MALRD1: variants seen among roughly 807,000 people sequenced by gnomAD.
MALRD1 encodes MAM and LDL-receptor class A domain-containing protein 1.
A neutral mutation model predicts 242.1 loss-of-function variants in MALRD1; 247 were observed. The ratio of observed to expected loss-of-function variants is 1.02; its 90% CI spans 0.92 to 1.13. MALRD1 has a LOEUF of 1.13. MALRD1 is among the 50% of genes most tolerant of loss of function. MALRD1 has a pLI of 0.00. For missense variants in MALRD1, 2,989 were observed against 2,533.1 expected (o/e 1.18, Z -3.86); for synonymous variants, 995 against 866.6 (o/e 1.15, Z -2.60).
intron 36 of MALRD1, among the ~76,000 whole-genome samples, chr10:19,669,831 G>A (rs2131755923): frequency 6.6e-6 from 1 of 152,244 alleles, no homozygotes; most frequent in Non-Finnish European, 1.5e-5. Context: ...CTTGGAGGCA[G>A]TGAGTGAATA....
At position 19,719,244 on chromosome 10, in the gene MALRD1, A is replaced by ATATGTG. The variant is rs1278887724; in HGVS notation, c.6315-11459_6315-11458insGTGTAT. Reference sequence around the variant, plus strand: ...CATACATATATATATATATATATATATATATATATATATATGCTATCAAAT... The same window carrying ATATGTG: ...CATACATATATATATATATATATATATATGTGTATATATATATATATGCTATCAAAT... On this transcript the variant is annotated intron_variant, in intron 38 of 39. Transcript: ENST00000454679. Among the ~76,000 whole-genome samples the ATATGTG allele has an allele frequency of 1.5e-3, 141 of 96,882 alleles. 1 individual carries two copies. Among genetic ancestry groups the ATATGTG allele is most frequent in the Non-Finnish European group, 2.3e-3 (117 of 51,718 alleles). 63.6% of individuals were successfully genotyped at this position (96,882 alleles called of 152,430 possible). A position where few individuals can be genotyped will look rare whatever the true frequency, so the allele number is the denominator to read the frequency against.
chr10:19,421,916 G>T (rs1833732244), intron 28 of MALRD1, among the ~76,000 whole-genome samples: 1 of 152,194 alleles, frequency 6.6e-6, no homozygotes, highest in Non-Finnish European at 1.5e-5. Context: ...GTGCCAAGAA[G>T]GATGGAAGGA....
In MALRD1 at chr10:19,491,988, G is replaced by GTTT. The variant is rs909952394; in HGVS notation, c.5158+352_5158+354dup. On this transcript the variant is annotated intron_variant, in intron 30 of 39. Transcript: ENST00000454679. The stretch of plus-strand genomic sequence containing the variant: ...AGCAATCTGCCTTTCTTTATTGGTT[G>GTTT]TTTTTTTTTTTCTATTTTTTTTTCC... Among the ~76,000 whole-genome samples the GTTT allele has an allele frequency of 2.8e-5, 4 of 141,792 alleles. No homozygotes were observed. In the South Asian group the frequency reaches 9.0e-4, roughly 32 times the overall value. The allele number at this position is 141,792 out of a possible 152,430, so 93.0% of individuals were successfully genotyped here. A position where few individuals can be genotyped will look rare whatever the true frequency, so the allele number is the denominator to read the frequency against.
chr10:19,155,477 T>C (rs1327220761), intron 12 of MALRD1, among the ~76,000 whole-genome samples: 3 of 152,160 alleles, frequency 2.0e-5, no homozygotes, highest in Non-Finnish European at 4.4e-5. Flanking sequence ...ACAGTGTACA[T>C]TGAGAAAAAT....
At chr10:19,729,689 G>A (rs1395062795) in intron 38 of MALRD1, among the ~76,000 whole-genome samples, 1 of 145,092 alleles carries the variant, frequency 6.9e-6, no homozygotes, top group Non-Finnish European at 1.5e-5. Context: ...AAGTAGTCCA[G>A]GGCTGCGTGT....
intron 35 of MALRD1, among the ~76,000 whole-genome samples, chr10:19,615,516 C>CAAAAAAAAAAAAAAAAAAAAAAAAAA (rs530920512): frequency 2.7e-5 from 1 of 37,242 alleles, no homozygotes; most frequent in Non-Finnish European, 4.4e-5. Context: ...GACCCTGCCT[C>CAAAAAAAAAAAAAAAAAAAAAAAAAA]AAAAAAAAAA....
In MALRD1 at chr10:19,595,281, G is replaced by A; in HGVS notation, c.5768G>A (p.Cys1923Tyr). 3.2e-6 allele frequency: 5 copies of A among 1,550,772 alleles called. No individual in the cohort carries two copies. The highest frequency in any genetic ancestry group is 3.5e-6 in the Non-Finnish European group (4 of 1,146,996). The stretch of plus-strand genomic sequence containing the variant: ...CAATGTGTCCCTCTCTCAGGGAAAT[G>A]TGATGGACATGAAGACTGCATAGAT... ...TLQCVPLSGK[C>Y]DGHEDCIDGS... Residue 1923 changes from cysteine (C) to tyrosine (Y), a missense_variant, in exon 34 of 40, where the codon TGT becomes TAT. By Grantham distance (194) the Cys-to-Tyr change is radical (BLOSUM62 -2). Transcript: ENST00000454679.
At chr10:19,480,293 T>C (rs575540945) in intron 29 of MALRD1, among the ~76,000 whole-genome samples, 2 of 152,310 alleles carry the variant, frequency 1.3e-5, no homozygotes, top group African/African-American at 4.8e-5. Context: ...AGTGTTTAGA[T>C]CTCAGCAAAA....
intron 18 of MALRD1, among the ~76,000 whole-genome samples, chr10:19,231,419 A>G (rs1838061840): frequency 6.6e-6 from 1 of 152,150 alleles, no homozygotes; most frequent in Non-Finnish European, 1.5e-5. Flanking sequence ...TAGGTTCTGG[A>G]CATAACCCTC....
rs1350600329 is a variant in MALRD1 at position 19,091,786 on chromosome 10, G to T, written c.597+3601G>T. Reference sequence around the variant, plus strand: ...ATGTGTCCCAGAGATTCTGGTATGTGGTGTCTTTGTTCTCGTTGGTTTCAA... The same window carrying T: ...ATGTGTCCCAGAGATTCTGGTATGTTGTGTCTTTGTTCTCGTTGGTTTCAA... On this transcript the variant is annotated intron_variant, in intron 4 of 39. Transcript: ENST00000454679. Among the ~76,000 whole-genome samples the T allele has an allele frequency of 7.8e-5, 7 of 89,582 alleles. 3 individuals carry two copies. The highest frequency in any genetic ancestry group is 1.5e-4 in the Non-Finnish European group (7 of 46,452). The allele number at this position is 89,582 out of a possible 152,430, so 58.8% of individuals were successfully genotyped here.
chr10:19,448,488 G>T (rs1174161005), intron 28 of MALRD1, among the ~76,000 whole-genome samples: 1 of 151,154 alleles, frequency 6.6e-6, no homozygotes, highest in Non-Finnish European at 1.5e-5. Context: ...AAATCATCTA[G>T]TTCCCAGAAA....
chr10:19,105,868 A>G (rs1024608248), intron 5 of MALRD1, among the ~76,000 whole-genome samples: 6 of 151,728 alleles, frequency 4.0e-5, no homozygotes, highest in Admixed American at 3.9e-4. Flanking sequence ...TTCAAATTTG[A>G]TTATTTGAAA....
intron 8 of MALRD1, among the ~76,000 whole-genome samples, 198 bp downstream of exon 8, chr10:19,128,585 G>A (rs766231141): frequency 6.6e-6 from 1 of 152,112 alleles, no homozygotes; most frequent in Non-Finnish European, 1.5e-5. Flanking sequence ...GTGATAACTT[G>A]CCCAATATTA....
chr10:19,280,367 A>T (rs2131878854), intron 20 of MALRD1, 144 bp downstream of exon 20: 1 of 577,182 alleles, frequency 1.7e-6, no homozygotes, highest in Non-Finnish European at 2.6e-6. Context: ...TTATTCATAC[A>T]GAAAATTGTA....
rs1335332061 is a variant in MALRD1 at position 19,209,320 on chromosome 10, T to A, written c.2631T>A (p.Asp877Glu). ...FETGICNWEQ[D>E]AKDDFDWTRS... ...CTGGAATCTGTAACTGGGAACAAGA[T>A]GCAAAAGATGACTTTGATTGGACCA... The change falls in exon 18 of 40, where the codon GAT (aspartate) becomes GAA (glutamate). Residue 877 changes from aspartate (D) to glutamate (E), a missense_variant. Transcript: ENST00000454679. 2 of 1,549,558 alleles carry A rather than the reference T, an allele frequency of 1.3e-6. No individual in the cohort carries two copies. Among genetic ancestry groups the A allele is most frequent in the East Asian group, 4.9e-5 (2 of 40,918 alleles).
rs73593877 is a variant in MALRD1, at chr10:19,347,796, C to T, written c.3927C>T (p.Phe1309=). The stretch of plus-strand genomic sequence containing the variant: ...GTACCTCCAGTGGGCGCTGTGATTT[C>T]GAATTTGATCTTTGTTCCTGGAAGC... ...ICRTSSGRCD[F]EFDLCSWKQE... is the part of the protein sequence containing the mutation. The change falls in exon 25 of 40, where the codon TTC becomes TTT. Residue 1309 remains phenylalanine, a synonymous_variant. Coordinates refer to ENST00000454679, the MANE Select transcript of MALRD1 (RefSeq NM_001142308.3). 4.0e-3 allele frequency: 6,144 copies of T among 1,550,388 alleles called. 179 individuals are homozygous for T. In the African/African-American group the frequency reaches 0.069, roughly 17 times the overall value.
At chr10:19,711,877 G>T (rs1834135703) in intron 38 of MALRD1, among the ~76,000 whole-genome samples, 1 of 152,184 alleles carries the variant, frequency 6.6e-6, no homozygotes, top group Non-Finnish European at 1.5e-5. Context: ...AAATCAGGGA[G>T]TAGCAGGGAA....
chr10:19,244,342 G>A (rs1363845089), intron 18 of MALRD1, among the ~76,000 whole-genome samples: 3 of 152,120 alleles, frequency 2.0e-5, no homozygotes, highest in African/African-American at 7.2e-5. Context: ...GGAATTCAAG[G>A]CAGGTGGATT....
intron 19 of MALRD1, among the ~76,000 whole-genome samples, chr10:19,262,985 A>G (rs1180095143): frequency 6.6e-6 from 1 of 152,156 alleles, no homozygotes; most frequent in African/African-American, 2.4e-5. Flanking sequence ...AAGCTGCATA[A>G]TGTTCCAATG....
Sources: allele counts gnomAD v4.1 joint callset (sites outside exome capture counted in the v4.1 genomes callset), GRCh38; gene constraint gnomAD v4.1.1; transcripts MANE v1.5; gene names NCBI Gene and HGNC (gene_info 2026-07-23, HGNC 2026-07-21).